Variants in DRC4 observed in about 807,000 individuals in gnomAD.
DRC4 encodes dynein regulatory complex subunit 4, also known as GAS-11.
the DRC4 span, chr16:90,037,993 C>T: frequency 2.9e-5 from 21 of 717,828 alleles, no homozygotes; most frequent in African/African-American, 2.8e-4. Context: ...TCCTTGTGGC[C>T]CCTGGACCAG....
At chr16:90,044,273 T>C in the DRC4 span, 28,408 of 442,854 alleles carry the variant, frequency 0.064, 1,175 homozygotes, top group East Asian at 0.15. Flanking sequence ...TGGCCCAGCC[T>C]CCCCACAAAG....
chr16:90,026,352 G>A, the DRC4 span, among the ~76,000 whole-genome samples: 2 of 152,150 alleles, frequency 1.3e-5, no homozygotes, highest in African/African-American at 2.4e-5. Context: ...AACCACGCAC[G>A]ACGCCATGTG....
chr16:90,029,050 G>A, the DRC4 span: 40 of 1,305,460 alleles, frequency 3.1e-5, no homozygotes, highest in African/African-American at 6.1e-5. Context: ...TGAACACTGC[G>A]TTGTCCCAGC....
the DRC4 span, among the ~76,000 whole-genome samples, chr16:90,023,909 T>C: frequency 0.017 from 2,341 of 136,688 alleles, 86 homozygotes; most frequent in African/African-American, 0.033. Flanking sequence ...GGAGAATCAC[T>C]TGGACCTGGG....
the DRC4 span, chr16:90,037,491 G>A: frequency 7.2e-7 from 1 of 1,387,580 alleles, no homozygotes; most frequent in Non-Finnish European, 9.8e-7. Context: ...TTGGCCCTTA[G>A]GGCAGGAAGG....
chr16:90,021,719 A>C, the DRC4 span, among the ~76,000 whole-genome samples: 2 of 152,010 alleles, frequency 1.3e-5, no homozygotes, highest in African/African-American at 4.8e-5. Flanking sequence ...ACTTAAAAAA[A>C]AAAGCTGGGT....
the DRC4 span, chr16:90,037,949 G>GTGCCATCCCCACTGCA: frequency 3.9e-6 from 4 of 1,034,816 alleles, no homozygotes; most frequent in Non-Finnish European, 6.1e-6. Context: ...CCCTGCAGTG[G>GTGCCATCCCCACTGCA]GGATGGCACC....
chr16:90,039,787 C>G, the DRC4 span: 1 of 178,612 alleles, frequency 5.6e-6, no homozygotes, highest in East Asian at 1.3e-4. Flanking sequence ...AACAGTTTTA[C>G]TGGCTGGCAG....
chr16:90,029,364 G>T, the DRC4 span: 1 of 1,271,976 alleles, frequency 7.9e-7, no homozygotes, highest in Non-Finnish European at 1.1e-6. Context: ...GGAGTGCCTT[G>T]TGGGCCTAGG....
the DRC4 span, chr16:90,029,995 G>C: frequency 6.6e-6 from 1 of 152,326 alleles, no homozygotes; most frequent in African/African-American, 2.4e-5. Flanking sequence ...CTGACCTCAT[G>C]ATCTGCCTGT....
At chr16:90,042,455 C>A in the DRC4 span, 1 of 1,612,882 alleles carries the variant, frequency 6.2e-7, no homozygotes. Flanking sequence ...ACTCCCATCA[C>A]CTCTCTCTCC....
At chr16:90,041,473 C>T in the DRC4 span, among the ~76,000 whole-genome samples, 122 of 152,228 alleles carry the variant, frequency 8.0e-4, 1 homozygote, top group African/African-American at 2.7e-3. Context: ...CACATCTGGG[C>T]GGGGCCAGCG....
the DRC4 span, chr16:90,035,692 G>C: frequency 6.2e-7 from 1 of 1,614,052 alleles, no homozygotes; most frequent in Admixed American, 1.7e-5. Context: ...TTCGAGGTCA[G>C]TTTCCCGTGT....
At chr16:90,024,743 T>A in the DRC4 span, among the ~76,000 whole-genome samples, 1 of 152,012 alleles carries the variant, frequency 6.6e-6, no homozygotes, top group South Asian at 2.1e-4. Flanking sequence ...CCTGTTCCAG[T>A]TGCAGTGAGC....
the DRC4 span, among the ~76,000 whole-genome samples, chr16:90,041,531 CGCGGTGGCT>C: frequency 6.6e-6 from 1 of 152,146 alleles, no homozygotes; most frequent in Non-Finnish European, 1.5e-5. Flanking sequence ...GATAGCCGGG[CGCGGTGGCT>C]CACGCCTGTA....
At chr16:90,029,960 TG>T in the DRC4 span, 2 of 152,838 alleles carry the variant, frequency 1.3e-5, no homozygotes, top group African/African-American at 2.4e-5. Context: ...GGTTTCACCG[TG>T]TTAGCCAGGA....
the DRC4 span, chr16:90,037,745 C>A: frequency 6.2e-7 from 1 of 1,610,364 alleles, no homozygotes; most frequent in South Asian, 1.1e-5. Context: ...GTCCCCTACT[C>A]CCTGTTTTTC....
At chr16:90,027,818 A>C in the DRC4 span, 9 of 1,178,088 alleles carry the variant, frequency 7.6e-6, no homozygotes, top group East Asian at 2.4e-5. Context: ...ATGTGGATCC[A>C]CCCTTCTGTC....
At chr16:90,037,350 A>C in the DRC4 span, 1 of 1,614,072 alleles carries the variant, frequency 6.2e-7, no homozygotes, top group Non-Finnish European at 8.5e-7. Flanking sequence ...GAGATGAGCG[A>C]GATGCAGAAA....
Sources: gnomAD v4.1 joint callset for allele counts (sites outside exome capture counted in the v4.1 genomes callset) on GRCh38, gnomAD v4.1.1 for gene constraint, MANE v1.5 for transcripts, NCBI Gene and HGNC (gene_info 2026-07-23, HGNC 2026-07-21) for gene names.